BRD9: variants seen among roughly 807,000 people sequenced by gnomAD.
The protein encoded by BRD9 is bromodomain-containing protein 9.
In BRD9, 47 loss-of-function variants were observed where a neutral mutation model predicts 68.7. The ratio of observed to expected loss-of-function variants is 0.68; its 90% CI spans 0.54 to 0.87. The LOEUF (loss-of-function observed/expected upper bound fraction) is 0.87. BRD9 is among the 40% of genes least tolerant of loss of function. BRD9 has a pLI of 0.00. For synonymous variants in BRD9, 313 were observed against 293.9 expected (o/e 1.06, Z -0.67); for missense variants, 670 against 748.4 (o/e 0.90, Z 1.22).
chr5:885,412 C>G (rs1011730064), intron 7 of BRD9, among the ~76,000 whole-genome samples: 1 of 152,178 alleles, frequency 6.6e-6, no homozygotes, highest in African/African-American at 2.4e-5. Flanking sequence ...AGCACCGAGC[C>G]CAGCACCGCT....
intron 1 of BRD9, 28 bp from the exon 2 acceptor site, chr5:891,882 C>A (rs750918920): frequency 2.6e-5 from 41 of 1,549,174 alleles, no homozygotes; most frequent in Non-Finnish European, 3.5e-5. Flanking sequence ...GAGTTCTACC[C>A]GCGTGCTCAG....
intron 7 of BRD9, 110 bp downstream of exon 7, chr5:886,482 G>A: frequency 9.2e-7 from 1 of 1,083,026 alleles, no homozygotes; most frequent in Non-Finnish European, 1.3e-6. Flanking sequence ...GAATGTCTAT[G>A]TGACATGACA....
Position 864,402 on chromosome 5 carries a change from C to T in BRD9, c.*66G>A. 7.3e-7 allele frequency: 1 copy of T among 1,379,120 alleles called. No homozygotes were observed. Among genetic ancestry groups the T allele is most frequent in the Non-Finnish European group, 1.0e-6 (1 of 1,004,574 alleles). 85.4% of individuals were successfully genotyped at this position (1,379,120 alleles called of 1,614,324 possible). The stretch of plus-strand genomic sequence containing the variant: ...CAGGATCAAAGTCCTTGTCTGATGA[C>T]AAAAACTCTACACGTGCAAAATAAA... On this transcript the variant is annotated 3_prime_UTR_variant, in exon 16 of 16. Coordinates refer to ENST00000467963, the MANE Select transcript of BRD9 (RefSeq NM_023924.5).
At chr5:891,545 C>A (rs901817720) in intron 2 of BRD9, 95 bp downstream of exon 2, 2 of 1,485,354 alleles carry the variant, frequency 1.3e-6, no homozygotes, top group East Asian at 4.9e-5. Flanking sequence ...CTCCCCTCCT[C>A]CAGCCACGCA....
chr5:868,526 T>C (rs1749684541), intron 14 of BRD9: 1 of 152,244 alleles, frequency 6.6e-6, no homozygotes, highest in Non-Finnish European at 1.5e-5. Context: ...TGCTAGGGAT[T>C]GTTCACAGCT....
At chr5:891,079 C>A in intron 3 of BRD9, 76 bp downstream of exon 3, 1 of 1,457,386 alleles carries the variant, frequency 6.9e-7, no homozygotes, top group Non-Finnish European at 9.1e-7. Context: ...CCCAAAGCAA[C>A]AGGACACGGT....
chr5:891,851 T>C lies in BRD9; in HGVS notation c.56A>G (p.Tyr19Cys), dbSNP rs1753461198. 6.4e-7 allele frequency: 1 copy of C among 1,551,228 alleles called. No individual in the cohort carries two copies. The highest frequency in any genetic ancestry group is 8.7e-7 in the Non-Finnish European group (1 of 1,146,980). ...AGGCTTCTCCAGGGGCTTGTCGGCA[T>C]AATCTGCACAGACACAGACCGAGTT... ...KAEWRSSYED[Y>C]ADKPLEKPLK... Residue 19 changes from tyrosine to cysteine, a missense_variant, in exon 2 of 16, where the codon TAT becomes TGT. By Grantham distance (194) the Tyr-to-Cys change is radical. Transcript: ENST00000467963.
At chr5:870,695 A>G (rs916142575) in intron 13 of BRD9, 120 bp from the exon 14 acceptor site, 4 of 695,958 alleles carry the variant, frequency 5.7e-6, no homozygotes, top group Non-Finnish European at 9.9e-6. Flanking sequence ...ACCCCTCAGT[A>G]AGTGACAAGA....
intron 12 of BRD9, among the ~76,000 whole-genome samples, chr5:872,020 C>G (rs1483116479): frequency 6.6e-6 from 1 of 152,174 alleles, no homozygotes; most frequent in Non-Finnish European, 1.5e-5. Context: ...AGGCAGACAC[C>G]TCCTGGCAGT....
intron 7 of BRD9, among the ~76,000 whole-genome samples, 165 bp from the exon 8 acceptor site, chr5:884,235 TA>T (rs1306312386): frequency 1.3e-5 from 2 of 152,176 alleles, no homozygotes; most frequent in African/African-American, 4.8e-5. Flanking sequence ...CTTTTCACCC[TA>T]ACCAAATGAC....
rs560805285 is a variant in BRD9, at chr5:877,838, A to G, written c.1271+517T>C. On this transcript the variant is annotated intron_variant, in intron 11 of 15. Coordinates refer to ENST00000467963, the MANE Select transcript of BRD9 (RefSeq NM_023924.5). ...GCCATTAGGGTGGCCCTGATCCAAT[A>G]TGACCAGGGTCCTTGAGAACGGTAG... Among the ~76,000 whole-genome samples the G allele has an allele frequency of 9.0e-4, 137 of 152,256 alleles. 1 individual carries two copies. Among genetic ancestry groups the G allele is most frequent in the African/African-American group, 3.2e-3 (134 of 41,548 alleles).
At position 869,312 on chromosome 5, in the gene BRD9, G is replaced by A. The variant is rs907414007; in HGVS notation, c.1525+1161C>T. The A allele has an allele frequency of 7.0e-5, 32 of 456,012 alleles. No individual in the cohort carries two copies. In the Admixed American group the frequency reaches 7.5e-4, roughly 11 times the overall value. The allele number at this position is 456,012 out of a possible 1,614,324, so 28.2% of individuals were successfully genotyped here. ...ATTAACTTTAAAACAGAAATCTGAA[G>A]GTTGACAAAGCAGACTCCGTGGTAA... On this transcript the variant is annotated intron_variant, in intron 14 of 15. Transcript: ENST00000467963.
intron 4 of BRD9, 51 bp from the exon 5 acceptor site, chr5:889,216 C>CT: frequency 6.4e-7 from 1 of 1,562,526 alleles, no homozygotes; most frequent in Admixed American, 2.0e-5. Context: ...CTAAATGATA[C>CT]AAAATCTCTT....
At position 864,111 on chromosome 5, in the gene BRD9, G is replaced by A. The variant is rs1042321091; in HGVS notation, c.*357C>T. The stretch of plus-strand genomic sequence containing the variant: ...TCTGCAGCCTGGCCACACACCCTTC[G>A]CGTATGACTCCACTCCTCAGGGTTC... On this transcript the variant is annotated 3_prime_UTR_variant, in exon 16 of 16. Transcript: ENST00000467963. 13 of 170,584 alleles carry A rather than the reference G, an allele frequency of 7.6e-5. 1 individual carries two copies. The highest frequency in any genetic ancestry group is 5.5e-4 in the South Asian group (4 of 7,226). The allele number at this position is 170,584 out of a possible 1,614,324, so 10.6% of individuals were successfully genotyped here. A position where few individuals can be genotyped will look rare whatever the true frequency, so the allele number is the denominator to read the frequency against.
At chr5:885,256 G>C (rs999061583) in intron 7 of BRD9, among the ~76,000 whole-genome samples, 3 of 152,226 alleles carry the variant, frequency 2.0e-5, no homozygotes, top group Non-Finnish European at 2.9e-5. Flanking sequence ...TGGGGAGACC[G>C]CCTTAGGGGA....
At chr5:865,357 C>A in intron 15 of BRD9, 57 bp downstream of exon 15, 1 of 1,506,650 alleles carries the variant, frequency 6.6e-7, no homozygotes, top group Non-Finnish European at 8.9e-7. Flanking sequence ...CTCGTCTAGA[C>A]GTCACACTGA....
At chr5:877,128 G>A (rs1322672581) in intron 11 of BRD9, among the ~76,000 whole-genome samples, 1 of 152,206 alleles carries the variant, frequency 6.6e-6, no homozygotes, top group Non-Finnish European at 1.5e-5. Context: ...GGCGGGGGGT[G>A]TGCACAGTCC....
intron 15 of BRD9, 124 bp downstream of exon 15, chr5:865,290 C>T: frequency 2.3e-6 from 3 of 1,316,530 alleles, no homozygotes; most frequent in Non-Finnish European, 3.1e-6. Context: ...ACCTCCACAA[C>T]AGCACCGCTG....
chr5:878,133 T>C (rs1751242711), intron 11 of BRD9, among the ~76,000 whole-genome samples: 1 of 152,182 alleles, frequency 6.6e-6, no homozygotes, highest in Non-Finnish European at 1.5e-5. Flanking sequence ...CTTCACAAGC[T>C]ACGCCCTGAT....
Sources: gnomAD v4.1 joint callset for allele counts (sites outside exome capture counted in the v4.1 genomes callset) on GRCh38, gnomAD v4.1.1 for gene constraint, MANE v1.5 for transcripts, NCBI Gene and HGNC (gene_info 2026-07-23, HGNC 2026-07-21) for gene names.